RRP12: variants seen among roughly 807,000 people sequenced by gnomAD.
The protein encoded by RRP12 is ribosomal RNA processing 12 homolog.
A neutral mutation model predicts 157.3 loss-of-function variants in RRP12; 78 were observed. The observed-to-expected ratio is 0.50, with a 90% CI of 0.41 to 0.60. RRP12 has a LOEUF of 0.60. Among genes scored for constraint, RRP12 ranks in the 20% least tolerant of loss-of-function variants. The probability of loss-of-function intolerance (pLI) is 0.00; values close to 1 mark genes in which losing one functional copy is unlikely to be tolerated. For synonymous variants in RRP12, 726 were observed against 670.9 expected, an observed-to-expected ratio of 1.08 and a Z score of -1.27; for missense variants, 1,521 against 1,679.9, an observed-to-expected ratio of 0.91 and a Z score of 1.65.
chr10:97,357,115 G>A lies in RRP12; in HGVS notation c.3873C>T (p.Arg1291=). The change falls in exon 34 of 34, where the codon CGC becomes CGT. Residue 1291 remains arginine, a synonymous_variant. Coordinates refer to ENST00000370992, the MANE Select transcript of RRP12 (RefSeq NM_015179.4). Reference sequence around the variant, plus strand: ...GGCCTCAGGGTCGACGATCCTTTCTGCGGTTTTTGTGTCCCACCTGGGAAC... The same window carrying A: ...GGCCTCAGGGTCGACGATCCTTTCTACGGTTTTTGTGTCCCACCTGGGAAC... ...RRGSQVGHKN[R]RKDRRP is the part of the protein sequence containing the mutation. 6.2e-7 allele frequency: 1 copy of A among 1,612,534 alleles called. No individual in the cohort carries two copies. Among genetic ancestry groups the A allele is most frequent in the Non-Finnish European group, 8.5e-7 (1 of 1,178,698 alleles).
In RRP12 at chr10:97,385,163, T is replaced by C; in HGVS notation, c.1208+3A>G. ...GCCCTAAGCACCCCTCCTTCATCCG[T>C]ACCTCACCAGGTTGATGTGGGCTTT... On this transcript the variant is annotated splice_donor_region_variant and intron_variant, in intron 10 of 33. Transcript: ENST00000370992. 1 of 1,611,358 alleles carries C rather than the reference T, an allele frequency of 6.2e-7. No homozygotes were observed. The highest frequency in any genetic ancestry group is 2.2e-5 in the East Asian group (1 of 44,862).
intron 15 of RRP12, among the ~76,000 whole-genome samples, chr10:97,376,581 G>A: frequency 6.6e-6 from 1 of 152,110 alleles, no homozygotes; most frequent in East Asian, 1.9e-4. Flanking sequence ...AACTGCCCTA[G>A]AGCAGGGTTT....
intron 2 of RRP12, among the ~76,000 whole-genome samples, chr10:97,397,145 T>C (rs543952112): frequency 1.3e-5 from 2 of 152,154 alleles, no homozygotes; most frequent in African/African-American, 4.8e-5. Context: ...TGTTATACTG[T>C]ATTTTTGTTG....
rs1305993694 is a variant in RRP12 at position 97,360,578 on chromosome 10, T to C, written c.3608A>G (p.Glu1203Gly). ...CTGAGGGGGTATCTCCAGCTCCTCC[T>C]CCTCAGCCTCTTTCTGGTGCTTGAG... ...QKLKHQKEAE[E>G]EELEIPPQYQ... The change falls in exon 31 of 34, where the codon GAG becomes GGG. Residue 1203 changes from glutamate to glycine, a missense_variant. Glu to Gly is a moderately conservative substitution (Grantham distance 98). Coordinates refer to ENST00000370992, the MANE Select transcript of RRP12 (RefSeq NM_015179.4). The C allele has an allele frequency of 1.9e-6, 3 of 1,613,896 alleles. No individual in the cohort carries two copies. Among genetic ancestry groups the C allele is most frequent in the Non-Finnish European group, 2.5e-6 (3 of 1,179,908 alleles).
At chr10:97,367,409 C>G (rs1844020343) in intron 25 of RRP12, 1 of 499,868 alleles carries the variant, frequency 2.0e-6, no homozygotes, top group Non-Finnish European at 3.6e-6. Context: ...CATATATCCT[C>G]TCCTTGAATC....
chr10:97,371,758 G>A (rs1196831885), intron 20 of RRP12: 2 of 276,000 alleles, frequency 7.2e-6, no homozygotes, highest in Non-Finnish European at 1.4e-5. Context: ...AGTAGAGAGT[G>A]GACTGGGTGG....
intron 15 of RRP12, among the ~76,000 whole-genome samples, chr10:97,377,960 G>A (rs189043896): frequency 2.5e-4 from 38 of 151,858 alleles, no homozygotes; most frequent in Admixed American, 2.3e-3. Flanking sequence ...CAATGAAAAC[G>A]AAAAGCTTCT....
At position 97,386,999 on chromosome 10, in the gene RRP12, A is replaced by AAG. The variant is rs1178530257; in HGVS notation, c.1018-1008_1018-1007dup. Among the ~76,000 whole-genome samples, 5 of 135,866 alleles carry AAG rather than the reference A, an allele frequency of 3.7e-5. No homozygotes were observed. In the Admixed American group the frequency reaches 3.7e-4, roughly 10 times the overall value. The allele number at this position is 135,866 out of a possible 152,430, so 89.1% of individuals were successfully genotyped here. A position where few individuals can be genotyped will look rare whatever the true frequency, so the allele number is the denominator to read the frequency against. ...AGCGAGACTCCATCACAAAAAAAAA[A>AAG]AGAGAGAGAACACACAGTGAGTTGG... On this transcript the variant is annotated intron_variant, in intron 8 of 33. Coordinates refer to ENST00000370992, the MANE Select transcript of RRP12 (RefSeq NM_015179.4).
At position 97,366,479 on chromosome 10, in the gene RRP12, A is replaced by G; in HGVS notation, c.3358T>C (p.Phe1120Leu). ...CGTTGGGCCACCTTGGGATCCAGGAAGTTGAGGGGCTCGTCCCCACCGCCC... is the reference window on the plus strand; with the variant it reads ...CGTTGGGCCACCTTGGGATCCAGGAGGTTGAGGGGCTCGTCCCCACCGCCC... ...KEGGGDEPLNFLDPKVAQRVL... is the reference protein window; with the variant it reads ...KEGGGDEPLNLLDPKVAQRVL... Residue 1120 changes from phenylalanine to leucine, a missense_variant, in exon 28 of 34, where the codon TTC becomes CTC. Transcript: ENST00000370992. 1 of 1,613,424 alleles carries G rather than the reference A, an allele frequency of 6.2e-7. No individual in the cohort carries two copies. Among genetic ancestry groups the G allele is most frequent in the Non-Finnish European group, 8.5e-7 (1 of 1,179,748 alleles).
intron 4 of RRP12, among the ~76,000 whole-genome samples, chr10:97,392,747 A>AATGGC (rs1844844820): frequency 1.3e-5 from 2 of 150,728 alleles, no homozygotes; most frequent in Admixed American, 1.3e-4. Flanking sequence ...CTGTAAGTGC[A>AATGGC]ATGGCATGAT....
intron 14 of RRP12, 73 bp downstream of exon 14, chr10:97,379,555 A>T: frequency 6.3e-7 from 1 of 1,597,476 alleles, no homozygotes. Context: ...TTTAGCCCAC[A>T]GCAGCAGACA....
Position 97,363,848 on chromosome 10 carries a change from A to T in RRP12, c.3567+6T>A. 6.2e-7 allele frequency: 1 copy of T among 1,612,656 alleles called. No homozygotes were observed. The highest frequency in any genetic ancestry group is 8.5e-7 in the Non-Finnish European group (1 of 1,178,712). ...CCCTAGCCCCCCATCTGCAGGAACT[A>T]CTCACATTCCTGATGATCACATCTT... On this transcript the variant is annotated splice_donor_region_variant and intron_variant, in intron 30 of 33. Transcript: ENST00000370992.
chr10:97,373,011 C>T (rs1844201194), intron 18 of RRP12, 35 bp downstream of exon 18: 3 of 1,580,812 alleles, frequency 1.9e-6, no homozygotes, highest in Non-Finnish European at 2.6e-6. Flanking sequence ...CTGAGAGCTC[C>T]CCTCCTCCCT....
At chr10:97,400,684 T>G in intron 1 of RRP12, 150 bp from the exon 2 acceptor site, 1 of 651,838 alleles carries the variant, frequency 1.5e-6, no homozygotes. Context: ...ACTGTATGCC[T>G]AAAAACTTGA....
At chr10:97,378,902 G>C (rs1235034992) in intron 15 of RRP12, among the ~76,000 whole-genome samples, 2 of 152,000 alleles carry the variant, frequency 1.3e-5, no homozygotes, top group African/African-American at 4.8e-5. Context: ...AATACACCTA[G>C]AAGTATATAA....
chr10:97,376,435 G>A lies in RRP12; in HGVS notation c.1799-2541C>T, dbSNP rs1844311406. On this transcript the variant is annotated intron_variant, in intron 15 of 33. Transcript: ENST00000370992. ...TCTCCATGTTGTTTAGGCTGGTCTCGAACTCCTGACCTCATGATCTGCCCG... is the reference window on the plus strand; with the variant it reads ...TCTCCATGTTGTTTAGGCTGGTCTCAAACTCCTGACCTCATGATCTGCCCG... Among the ~76,000 whole-genome samples, 10 of 151,710 alleles carry A rather than the reference G, an allele frequency of 6.6e-5. No homozygotes were observed. In the South Asian group the frequency reaches 2.1e-3, roughly 32 times the overall value.
chr10:97,380,992 C>T, intron 12 of RRP12, 79 bp from the exon 13 acceptor site: 1 of 1,155,878 alleles, frequency 8.7e-7, no homozygotes, highest in Non-Finnish European at 1.3e-6. Context: ...CGGCCAGCAC[C>T]CTGAGCTACA....
Position 97,358,547 on chromosome 10 carries a change from G to A in RRP12, c.3781C>T (p.Leu1261Phe). ...GGCACAGCGTCATACCTGCGGTTGA[G>A]CTTGCTTCTGTTGAGGGGGATGTAG... The part of the protein sequence containing the change: ...YAYIPLNRSK[L>F]NRRKKMKLQG... The change falls in exon 33 of 34, where the codon CTC becomes TTC. Residue 1261 changes from leucine (L) to phenylalanine (F), a missense_variant. Coordinates refer to ENST00000370992, the MANE Select transcript of RRP12 (RefSeq NM_015179.4). The A allele has an allele frequency of 1.2e-6, 2 of 1,613,630 alleles. No individual in the cohort carries two copies. Among genetic ancestry groups the A allele is most frequent in the Non-Finnish European group, 1.7e-6 (2 of 1,179,630 alleles).
intron 30 of RRP12, among the ~76,000 whole-genome samples, chr10:97,362,707 G>C (rs1000323402): frequency 6.6e-6 from 1 of 152,150 alleles, no homozygotes; most frequent in Non-Finnish European, 1.5e-5. Context: ...ATCCCAGAGG[G>C]GCTTCCCGCA....
Sources: gnomAD v4.1 joint callset for allele counts (sites outside exome capture counted in the v4.1 genomes callset) on GRCh38, gnomAD v4.1.1 for gene constraint, MANE v1.5 for transcripts, NCBI Gene and HGNC (gene_info 2026-07-23, HGNC 2026-07-21) for gene names.